The following MAPRE2 variants were observed in gnomAD, a reference collection of about 807,000 sequenced individuals.
MAPRE2 encodes the protein microtubule-associated protein RP/EB family member 2.
A neutral mutation model predicts 43.2 loss-of-function variants in MAPRE2; 13 were observed. The ratio of observed to expected loss-of-function variants is 0.30; its 90% CI spans 0.20 to 0.48. The LOEUF is 0.48. Among genes scored for constraint, MAPRE2 ranks in the 20% least tolerant of loss-of-function variants. The pLI is 0.99. For missense variants in MAPRE2, 161 were observed against 400.2 expected (o/e 0.40, Z 5.10); for synonymous variants, 135 against 148.8 (o/e 0.91, Z 0.68).
At chr18:35,133,431 C>G (rs966075803) in intron 6 of MAPRE2, among the ~76,000 whole-genome samples, 2 of 152,132 alleles carry the variant, frequency 1.3e-5, no homozygotes, top group African/African-American at 4.8e-5. Flanking sequence ...AGTATGTCTG[C>G]AGCTGCCACA....
chr18:35,083,292 A>C (rs1249827163), intron 2 of MAPRE2, among the ~76,000 whole-genome samples: 1 of 152,242 alleles, frequency 6.6e-6, no homozygotes, highest in African/African-American at 2.4e-5. Flanking sequence ...GTGAGTGCAC[A>C]TGTGGAGAAG....
At chr18:34,998,788 T>TTTTTTTTTTTTTC (rs2097027880) in intron 1 of MAPRE2, among the ~76,000 whole-genome samples, 1 of 144,366 alleles carries the variant, frequency 6.9e-6, no homozygotes, top group African/African-American at 2.6e-5. Context: ...TTTTTTTTTT[T>TTTTTTTTTTTTTC]TTTTTTTTTT....
At chr18:35,015,909 T>G (rs113876346) in intron 2 of MAPRE2, among the ~76,000 whole-genome samples, 3 of 152,032 alleles carry the variant, frequency 2.0e-5, no homozygotes, top group African/African-American at 7.2e-5. Context: ...TCCTGCCACT[T>G]GGGTACTAAG....
chr18:35,012,488 A>G (rs962996626), intron 2 of MAPRE2, among the ~76,000 whole-genome samples: 3 of 152,202 alleles, frequency 2.0e-5, no homozygotes, highest in African/African-American at 4.8e-5. Flanking sequence ...CAAAAGGTGG[A>G]AACAACCCAA....
chr18:35,113,971 C>A (rs928922533), intron 4 of MAPRE2, among the ~76,000 whole-genome samples: 3 of 152,092 alleles, frequency 2.0e-5, no homozygotes, highest in Non-Finnish European at 4.4e-5. Context: ...AGCTATTATC[C>A]TAAGAACTTA....
intron 1 of MAPRE2, among the ~76,000 whole-genome samples, chr18:34,992,939 C>T (rs1204238757): frequency 1.3e-5 from 2 of 152,122 alleles, no homozygotes; most frequent in Non-Finnish European, 2.9e-5. Flanking sequence ...AATAAAGAGT[C>T]CATATATCAT....
intron 1 of MAPRE2, among the ~76,000 whole-genome samples, chr18:35,063,080 G>A (rs73424702): frequency 0.013 from 1,971 of 152,166 alleles, 23 homozygotes; most frequent in Non-Finnish European, 0.018. Context: ...ATTGGCATGC[G>A]GTGGGTTGAA....
At chr18:35,004,065 TGAG>T (rs916882185) in intron 1 of MAPRE2, among the ~76,000 whole-genome samples, 6 of 152,242 alleles carry the variant, frequency 3.9e-5, no homozygotes, top group Non-Finnish European at 7.3e-5. Context: ...GATCCTTCAC[TGAG>T]TAGTATAACA....
chr18:35,007,120 C>T (rs1378866844), intron 2 of MAPRE2, among the ~76,000 whole-genome samples: 1 of 152,158 alleles, frequency 6.6e-6, no homozygotes, highest in African/African-American at 2.4e-5. Flanking sequence ...AGAGAAACCA[C>T]CTAAGCTTTC....
At position 35,142,244 on chromosome 18, in the gene MAPRE2, C is replaced by CTCTT. The variant is rs892691310; in HGVS notation, c.*1877_*1880dup. On this transcript the variant is annotated 3_prime_UTR_variant, in exon 7 of 7. Coordinates refer to ENST00000300249, the MANE Select transcript of MAPRE2 (RefSeq NM_014268.4). The stretch of plus-strand genomic sequence containing the variant: ...TTCTGAGCCTGTTGTACTCACTGAT[C>CTCTT]TCTTTAAAAACAAAAAATAGCTCTT... 2.5e-4 allele frequency: 38 copies of CTCTT among 152,318 alleles called. No homozygotes were observed. Among genetic ancestry groups the CTCTT allele is most frequent in the African/African-American group, 8.9e-4 (37 of 41,568 alleles). The allele number at this position is 152,318 out of a possible 1,614,324, so 9.4% of individuals were successfully genotyped here.
At chr18:35,120,889 G>T (rs991044681) in intron 4 of MAPRE2, among the ~76,000 whole-genome samples, 8 of 152,134 alleles carry the variant, frequency 5.3e-5, no homozygotes, top group African/African-American at 1.7e-4. Flanking sequence ...AATTGAGTGA[G>T]AACGGCTAGG....
chr18:35,123,365 G>A (rs1401662969), intron 4 of MAPRE2, among the ~76,000 whole-genome samples: 1 of 152,168 alleles, frequency 6.6e-6, no homozygotes, highest in Non-Finnish European at 1.5e-5. Context: ...GATGATCCTA[G>A]CTCAGTTATT....
intron 1 of MAPRE2, among the ~76,000 whole-genome samples, chr18:35,069,642 A>G (rs769310887): frequency 6.6e-6 from 1 of 152,204 alleles, no homozygotes; most frequent in African/African-American, 2.4e-5. Flanking sequence ...AAGTTAATAC[A>G]TAGCTACAAT....
intron 2 of MAPRE2, among the ~76,000 whole-genome samples, chr18:35,022,696 A>C (rs2097042696): frequency 6.6e-6 from 1 of 152,184 alleles, no homozygotes; most frequent in Non-Finnish European, 1.5e-5. Context: ...CTTAGAAGCA[A>C]TCTGTGTCAA....
intron 2 of MAPRE2, among the ~76,000 whole-genome samples, chr18:35,012,941 T>A (rs2097035701): frequency 6.6e-6 from 1 of 152,004 alleles, no homozygotes; most frequent in Non-Finnish European, 1.5e-5. Context: ...GTGAGAGAGA[T>A]GAAGATTAGC....
At position 35,137,133 on chromosome 18, in the gene MAPRE2, T is replaced by C. The variant is rs73414678; in HGVS notation, c.910-3162T>C. ...ATTACAGATGTGTTCTGCCAGACTC[T>C]CAGACTGCCTTAACTTGCAGGCCAA... On this transcript the variant is annotated intron_variant, in intron 6 of 6. Transcript: ENST00000300249. 8.4e-3 allele frequency among the ~76,000 whole-genome samples: 1,274 copies of C among 152,334 alleles called. 19 individuals are homozygous for C. The highest frequency in any genetic ancestry group is 0.03 in the African/African-American group (1,234 of 41,562).
At chr18:35,076,762 G>A (rs759025264) in intron 2 of MAPRE2, among the ~76,000 whole-genome samples, 2 of 152,160 alleles carry the variant, frequency 1.3e-5, no homozygotes, top group Non-Finnish European at 2.9e-5. Flanking sequence ...GAAGGAACTA[G>A]GCATGCGTGT....
chr18:35,077,207 G>C (rs983608332), intron 2 of MAPRE2, among the ~76,000 whole-genome samples: 4 of 151,816 alleles, frequency 2.6e-5, no homozygotes, highest in Non-Finnish European at 5.9e-5. Context: ...GTCTCAATAA[G>C]TTCTCTCTCT....
chr18:35,081,857 C>A (rs1051711846), intron 2 of MAPRE2, among the ~76,000 whole-genome samples: 7 of 152,078 alleles, frequency 4.6e-5, no homozygotes, highest in Non-Finnish European at 7.3e-5. Context: ...GGCTGCCATA[C>A]ATAGAGTTCA....
Sources: gnomAD v4.1 joint callset for allele counts (sites outside exome capture counted in the v4.1 genomes callset) on GRCh38, gnomAD v4.1.1 for gene constraint, MANE v1.5 for transcripts, NCBI Gene and HGNC (gene_info 2026-07-23, HGNC 2026-07-21) for gene names.